Variants in SLF2 observed in about 807,000 individuals in gnomAD.
The protein encoded by SLF2 is SMC5-SMC6 complex localization factor protein 2.
In SLF2, 68 loss-of-function variants were observed where a neutral mutation model predicts 124.3. That is an observed-to-expected ratio of 0.55 (90% CI 0.45 to 0.67). SLF2 has a LOEUF of 0.67. Ranked by LOEUF, SLF2 falls within the 30% of genes least tolerant of loss-of-function variation. The pLI, the probability that SLF2 is intolerant of heterozygous loss-of-function variation, is 0.00. For synonymous variants in SLF2, 480 were observed against 478.8 expected, an observed-to-expected ratio of 1.00 and a Z score of -0.03; for missense variants, 1,246 against 1,373.7, an observed-to-expected ratio of 0.91 and a Z score of 1.47.
chr10:100,925,867 T>C lies in SLF2; in HGVS notation c.1972-82T>C, dbSNP rs996814987. 223 of 1,332,052 alleles carry C rather than the reference T, an allele frequency of 1.7e-4. 1 individual carries two copies. Among genetic ancestry groups the C allele is most frequent in the Non-Finnish European group, 2.1e-4 (206 of 973,928 alleles). The allele number at this position is 1,332,052 out of a possible 1,614,324, so 82.5% of individuals were successfully genotyped here. ...CAGATTATTGAAATAGAAAATAGTC[T>C]TTCGTACCCTTAATTACTTAAAACA... is the stretch of plus-strand genomic sequence containing the variant. On this transcript the variant is annotated intron_variant, in intron 5 of 19. Transcript: ENST00000238961.
At chr10:100,937,556 G>A in intron 10 of SLF2, 79 bp downstream of exon 10, 1 of 910,972 alleles carries the variant, frequency 1.1e-6, no homozygotes, top group East Asian at 2.4e-5. Context: ...ATTGCTAAAT[G>A]TTAGTATATT....
In SLF2 at chr10:100,962,664, A is replaced by T. The variant is rs985150525; in HGVS notation, c.*752A>T. 6.6e-6 allele frequency: 1 copy of T among 152,634 alleles called. No individual in the cohort carries two copies. The highest frequency in any genetic ancestry group is 1.5e-5 in the Non-Finnish European group (1 of 68,038). The allele number at this position is 152,634 out of a possible 1,614,324, so 9.5% of individuals were successfully genotyped here. On this transcript the variant is annotated 3_prime_UTR_variant, in exon 20 of 20. Transcript: ENST00000238961. ...ATTTCTTTTAAATGCATGTATTTTAAATACTGGTTAAATCTTAGAATCTTG... is the reference window on the plus strand; with the variant it reads ...ATTTCTTTTAAATGCATGTATTTTATATACTGGTTAAATCTTAGAATCTTG...
chr10:100,916,503 A>G (rs769044714), intron 2 of SLF2, 67 bp from the exon 3 acceptor site: 4 of 1,160,760 alleles, frequency 3.4e-6, no homozygotes, highest in African/African-American at 1.6e-5. Context: ...TTAAACATTA[A>G]TAATTTAGAT....
chr10:100,914,360 A>G (rs1220099080), intron 1 of SLF2, among the ~76,000 whole-genome samples: 1 of 152,094 alleles, frequency 6.6e-6, no homozygotes, highest in Admixed American at 6.6e-5. Context: ...TTTTGTGTGC[A>G]TATGAACTTA....
chr10:100,957,055 C>A (rs1850344368), intron 18 of SLF2, among the ~76,000 whole-genome samples: 1 of 152,190 alleles, frequency 6.6e-6, no homozygotes, highest in Non-Finnish European at 1.5e-5. Context: ...ATACACTTTT[C>A]ACTTTACTTT....
chr10:100,961,819 T>C, intron 19 of SLF2, 58 bp from the exon 20 acceptor site: 1 of 1,459,500 alleles, frequency 6.9e-7, no homozygotes, highest in Non-Finnish European at 9.5e-7. Flanking sequence ...TTATAAGGAT[T>C]AATTCATAAT....
chr10:100,947,264 T>TG (rs1295778436), intron 14 of SLF2, 128 bp downstream of exon 14: 71 of 525,118 alleles, frequency 1.4e-4, no homozygotes, highest in Non-Finnish European at 2.1e-4. Context: ...CATATTCAGT[T>TG]GCGAGAAAAG....
intron 18 of SLF2, among the ~76,000 whole-genome samples, chr10:100,958,933 A>G (rs1338493049): frequency 6.6e-6 from 1 of 152,244 alleles, no homozygotes; most frequent in Non-Finnish European, 1.5e-5. Context: ...CTTGGGCACA[A>G]GCATGGAGAG....
intron 9 of SLF2, among the ~76,000 whole-genome samples, chr10:100,935,366 G>T (rs1433232562): frequency 6.6e-6 from 1 of 151,904 alleles, no homozygotes; most frequent in African/African-American, 2.4e-5. Context: ...CTGCACTCCA[G>T]CCTGGGTGAC....
rs1849580158 is a variant in SLF2 at position 100,924,648 on chromosome 10, T to C, written c.1647T>C (p.Tyr549=). Residue 549 remains tyrosine (Y), a synonymous_variant, in exon 5 of 20, where the codon TAT becomes TAC. Transcript: ENST00000238961. ...KISGGPLRSE[Y]GTPTKSPPAA... ...CTGGGGGACCTTTGCGCTCAGAATA[T>C]GGCACTCCTACAAAGTCTCCCCCTG... The C allele has an allele frequency of 1.2e-6, 2 of 1,613,984 alleles. No homozygotes were observed. The highest frequency in any genetic ancestry group is 3.3e-5 in the Admixed American group (2 of 59,992).
chr10:100,933,169 C>T (rs1221129041), intron 9 of SLF2, among the ~76,000 whole-genome samples: 1 of 152,154 alleles, frequency 6.6e-6, no homozygotes, highest in Non-Finnish European at 1.5e-5. Context: ...TTGTGTATAT[C>T]ATTTCTTAAA....
intron 6 of SLF2, chr10:100,926,259 T>C (rs904002306): frequency 1.3e-6 from 2 of 1,508,114 alleles, no homozygotes; most frequent in African/African-American, 2.8e-5. Flanking sequence ...CGGTGAGTCG[T>C]GATGGCGCCA....
In SLF2 at chr10:100,961,792, T is replaced by C. The variant is rs1036269963; in HGVS notation, c.3487-85T>C. ...TTACTTGTCTTATCAAAGCCCATTG[T>C]CTGATGATTAGTAGTTTTATAAGGA... On this transcript the variant is annotated intron_variant, in intron 19 of 19. Coordinates refer to ENST00000238961, the MANE Select transcript of SLF2 (RefSeq NM_018121.4). 3.5e-5 allele frequency: 40 copies of C among 1,144,210 alleles called. No homozygotes were observed. The Middle Eastern group carries it at 6.5e-4, about 18-fold the overall frequency. 70.9% of individuals were successfully genotyped at this position (1,144,210 alleles called of 1,614,324 possible). A position where few individuals can be genotyped will look rare whatever the true frequency, so the allele number is the denominator to read the frequency against.
chr10:100,924,507 T>C lies in SLF2; in HGVS notation c.1506T>C (p.Asp502=). The change falls in exon 5 of 20, where the codon GAT becomes GAC. Residue 502 remains aspartate (D), a synonymous_variant. Transcript: ENST00000238961. The part of the protein sequence containing the change: ...KNCALPVSKK[D]KERSSSKECS... ...GTGCTCTTCCAGTTTCTAAAAAAGA[T>C]AAAGAGCGTTCCTCATCTAAAGAAT... The C allele has an allele frequency of 6.2e-7, 1 of 1,614,048 alleles. No homozygotes were observed. The highest frequency in any genetic ancestry group is 8.5e-7 in the Non-Finnish European group (1 of 1,179,992).
chr10:100,945,453 T>G lies in SLF2; in HGVS notation c.2881T>G (p.Phe961Val), dbSNP rs1184571693. 2 of 1,591,098 alleles carry G rather than the reference T, an allele frequency of 1.3e-6. No homozygotes were observed. The highest frequency in any genetic ancestry group is 1.7e-6 in the Non-Finnish European group (2 of 1,175,024). ...KQLKQIPLVD[F>V]QSLLINLMKN... is the part of the protein sequence containing the mutation. ...GCTGAAACAGATTCCTTTAGTAGAC[T>G]TTCAAAGCCTCCTGATAAACCTGAT... is the stretch of plus-strand genomic sequence containing the variant. Residue 961 changes from phenylalanine to valine, a missense_variant, in exon 13 of 20, where the codon TTT (phenylalanine) becomes GTT (valine). This residue lies in a region of SLF2 where 535 missense variants were observed against 632.8 expected (regional missense o/e 0.85). Transcript: ENST00000238961.
At chr10:100,928,936 T>C (rs1205758020) in intron 6 of SLF2, among the ~76,000 whole-genome samples, 2 of 152,180 alleles carry the variant, frequency 1.3e-5, no homozygotes, top group Non-Finnish European at 2.9e-5. Flanking sequence ...CCCAGTGAAC[T>C]TTAAAGAGTA....
At chr10:100,913,573 AT>A in intron 1 of SLF2, 1 of 1,198,448 alleles carries the variant, frequency 8.3e-7, no homozygotes, top group Non-Finnish European at 1.0e-6. Flanking sequence ...GCATATTTAG[AT>A]CGTTTTCTGT....
At chr10:100,936,242 T>C (rs1039802173) in intron 9 of SLF2, among the ~76,000 whole-genome samples, 2 of 152,082 alleles carry the variant, frequency 1.3e-5, no homozygotes, top group African/African-American at 4.8e-5. Flanking sequence ...TTATGAATAC[T>C]AGAAAATCGA....
Position 100,924,907 on chromosome 10 carries a change from C to T in SLF2, c.1906C>T (p.Pro636Ser). ...AATGGCTTTGAACTTCAATCAGACT[C>T]CTGCAGCTACAGGAAAGCCTCCTGC... ...EIMALNFNQT[P>S]AATGKPPALS... The change falls in exon 5 of 20, where the codon CCT becomes TCT. Residue 636 changes from proline to serine, a missense_variant. Transcript: ENST00000238961. 1 of 1,614,132 alleles carries T rather than the reference C, an allele frequency of 6.2e-7. No individual in the cohort carries two copies. Among genetic ancestry groups the T allele is most frequent in the African/African-American group, 1.3e-5 (1 of 75,036 alleles).
Sources: allele counts gnomAD v4.1 joint callset (sites outside exome capture counted in the v4.1 genomes callset), GRCh38; gene constraint gnomAD v4.1.1; regional missense constraint gnomAD v4.1.1; transcripts MANE v1.5; gene names NCBI Gene and HGNC (gene_info 2026-07-23, HGNC 2026-07-21).